Variants in G3BP1 observed in about 807,000 individuals in gnomAD.
G3BP1 encodes ras GTPase-activating protein-binding protein 1.
G3BP1 carries 35 observed loss-of-function variants against 58.6 expected under a neutral mutation model. The observed-to-expected ratio is 0.60, with a 90% CI of 0.46 to 0.79. The LOEUF (loss-of-function observed/expected upper bound fraction) is 0.79. G3BP1 is among the 30% of genes least tolerant of loss of function. The pLI is 0.00. For missense variants in G3BP1, 523 were observed against 580.8 expected (o/e 0.90, Z 1.02); for synonymous variants, 191 against 195.4 (o/e 0.98, Z 0.19).
At chr5:151,800,164 T>A in intron 9 of G3BP1, 54 bp from the exon 10 acceptor site, 1 of 1,570,366 alleles carries the variant, frequency 6.4e-7, no homozygotes, top group East Asian at 2.2e-5. Context: ...GAGCAGTCAT[T>A]GAAAGATGTC....
In G3BP1 at chr5:151,810,418, G is replaced by A. The variant is rs2113263296; in HGVS notation, c.*6327G>A. ...TGGGGAGTAGCCCCGTTTTGGGGCT[G>A]ATCTGTCCAGAATTTGGAGTGAGGA... is the stretch of plus-strand genomic sequence containing the variant. On this transcript the variant is annotated 3_prime_UTR_variant, in exon 12 of 12. Coordinates refer to ENST00000356245, the MANE Select transcript of G3BP1 (RefSeq NM_005754.3). The A allele has an allele frequency of 6.6e-6, 1 of 152,344 alleles. No individual in the cohort carries two copies. Among genetic ancestry groups the A allele is most frequent in the South Asian group, 2.1e-4 (1 of 4,830 alleles). The allele number at this position is 152,344 out of a possible 1,614,324, so 9.4% of individuals were successfully genotyped here. A position where few individuals can be genotyped will look rare whatever the true frequency, so the allele number is the denominator to read the frequency against.
chr5:151,803,846 C>T (rs748029281), intron 11 of G3BP1, 39 bp from the exon 12 acceptor site: 1 of 1,323,080 alleles, frequency 7.6e-7, no homozygotes, highest in Non-Finnish European at 1.1e-6. Flanking sequence ...ATAGCCAGCT[C>T]ATCAGTACTC....
At chr5:151,772,353 G>A (rs1350407995) in intron 1 of G3BP1, 2 of 152,126 alleles carry the variant, frequency 1.3e-5, no homozygotes, top group Non-Finnish European at 2.9e-5. Flanking sequence ...CAGGGGTCCC[G>A]CGCCCAGCGT....
At chr5:151,803,223 C>T (rs1762884599) in intron 11 of G3BP1, among the ~76,000 whole-genome samples, 1 of 152,174 alleles carries the variant, frequency 6.6e-6, no homozygotes, top group African/African-American at 2.4e-5. Flanking sequence ...ATGTACAGTA[C>T]CATCTTTTCA....
At chr5:151,786,449 G>A (rs927702042) in intron 1 of G3BP1, 123 bp from the exon 2 acceptor site, 8 of 612,408 alleles carry the variant, frequency 1.3e-5, no homozygotes, top group Non-Finnish European at 2.4e-5. Flanking sequence ...CAACTGGTCT[G>A]TATGGGCTCT....
At chr5:151,798,122 G>A (rs1762788324) in intron 7 of G3BP1, among the ~76,000 whole-genome samples, 1 of 152,168 alleles carries the variant, frequency 6.6e-6, no homozygotes, top group South Asian at 2.1e-4. Context: ...AAACAGATAG[G>A]GGTTCTTGTT....
chr5:151,789,350 C>T (rs1000095940), intron 2 of G3BP1, among the ~76,000 whole-genome samples: 3 of 150,172 alleles, frequency 2.0e-5, no homozygotes, highest in African/African-American at 7.3e-5. Context: ...GCCTGAGCAA[C>T]AGCACAAGAC....
chr5:151,774,389 C>G (rs1762330164), intron 1 of G3BP1, among the ~76,000 whole-genome samples: 1 of 151,244 alleles, frequency 6.6e-6, no homozygotes, highest in Non-Finnish European at 1.5e-5. Flanking sequence ...AGAAAGTGAA[C>G]GGCAGAAGGC....
chr5:151,801,121 A>G (rs1254189365), intron 11 of G3BP1, among the ~76,000 whole-genome samples: 1 of 152,170 alleles, frequency 6.6e-6, no homozygotes, highest in Non-Finnish European at 1.5e-5. Flanking sequence ...TTATCAGTGC[A>G]CTGAGATTTA....
rs1282701976 is a variant in G3BP1, at chr5:151,790,503, GT to G, written c.177+102del. 2.8e-5 allele frequency: 16 copies of G among 570,316 alleles called. No homozygotes were observed. The East Asian group carries it at 5.0e-4, about 18-fold the overall frequency. 35.3% of individuals were successfully genotyped at this position (570,316 alleles called of 1,614,324 possible). On this transcript the variant is annotated intron_variant, in intron 3 of 11. Coordinates refer to ENST00000356245, the MANE Select transcript of G3BP1 (RefSeq NM_005754.3). ...TAATAGATTTGCTGATAAAGATCCAGTTTCTCAACTTTTTAGTAAAAGTTGA... is the reference window on the plus strand; with the variant it reads ...TAATAGATTTGCTGATAAAGATCCAGTTCTCAACTTTTTAGTAAAAGTTGA...
intron 4 of G3BP1, chr5:151,791,995 T>TG (rs775522574): frequency 2.8e-5 from 12 of 421,172 alleles, no homozygotes; most frequent in Non-Finnish European, 5.6e-5. Context: ...GGATGGGAGA[T>TG]TCTCTATCTT....
At chr5:151,802,345 C>G (rs148010794) in intron 11 of G3BP1, among the ~76,000 whole-genome samples, 8 of 152,280 alleles carry the variant, frequency 5.3e-5, no homozygotes, top group African/African-American at 1.9e-4. Flanking sequence ...GCCTAGTGGC[C>G]ACCCTTCATT....
In G3BP1 at chr5:151,808,743, A is replaced by G. The variant is rs1581587211; in HGVS notation, c.*4652A>G. 2 of 152,316 alleles carry G rather than the reference A, an allele frequency of 1.3e-5. No individual in the cohort carries two copies. Among genetic ancestry groups the G allele is most frequent in the East Asian group, 3.9e-4 (2 of 5,184 alleles). The allele number at this position is 152,316 out of a possible 1,614,324, so 9.4% of individuals were successfully genotyped here. A position where few individuals can be genotyped will look rare whatever the true frequency, so the allele number is the denominator to read the frequency against. On this transcript the variant is annotated 3_prime_UTR_variant, in exon 12 of 12. Coordinates refer to ENST00000356245, the MANE Select transcript of G3BP1 (RefSeq NM_005754.3). ...AGTAAATTAAGGATGTTTACCAGAA[A>G]TTATTGATTTACTGAACCAAGTATT...
chr5:151,801,804 GTTTT>G, intron 11 of G3BP1, among the ~76,000 whole-genome samples: 1 of 151,546 alleles, frequency 6.6e-6, no homozygotes, highest in Admixed American at 6.6e-5. Flanking sequence ...ATACTGCAAA[GTTTT>G]TTATTTTTTT....
In G3BP1 at chr5:151,807,946, A is replaced by G. The variant is rs1026489828; in HGVS notation, c.*3855A>G. ...TAAAGGAATCTTTGCAATGCTGCAT[A>G]TAGATAATTGTTGACCTTTTTAGTT... On this transcript the variant is annotated 3_prime_UTR_variant, in exon 12 of 12. Coordinates refer to ENST00000356245, the MANE Select transcript of G3BP1 (RefSeq NM_005754.3). The G allele has an allele frequency of 6.6e-6, 1 of 152,204 alleles. No individual in the cohort carries two copies. The highest frequency in any genetic ancestry group is 2.4e-5 in the African/African-American group (1 of 41,450). 9.4% of individuals were successfully genotyped at this position (152,204 alleles called of 1,614,324 possible).
chr5:151,791,163 C>A (rs747810785), intron 4 of G3BP1, 101 bp downstream of exon 4: 3 of 1,042,778 alleles, frequency 2.9e-6, no homozygotes, highest in Non-Finnish European at 4.5e-6. Flanking sequence ...TTCAGACTTA[C>A]AGAAAACTTG....
chr5:151,790,447 A>G (rs1350484852), intron 3 of G3BP1, 43 bp downstream of exon 3: 5 of 1,036,142 alleles, frequency 4.8e-6, no homozygotes, highest in Non-Finnish European at 7.1e-6. Context: ...GCAGGTAGAA[A>G]ATAACTCATA....
At chr5:151,796,340 C>T (rs1465418408) in intron 6 of G3BP1, among the ~76,000 whole-genome samples, 1 of 152,192 alleles carries the variant, frequency 6.6e-6, no homozygotes, top group Admixed American at 6.5e-5. Flanking sequence ...GCGATCTTGG[C>T]TGACTGCAAC....
Position 151,778,917 on chromosome 5 carries a change from C to T in G3BP1, c.-50+6881C>T, listed in dbSNP as rs557898365. On this transcript the variant is annotated intron_variant, in intron 1 of 11. Transcript: ENST00000356245. Reference sequence around the variant, plus strand: ...ACTAAAAATACAAAAATTAGTCGGGCGTGGTGGTGTGTGCTTGTAATCCCA... The same window carrying T: ...ACTAAAAATACAAAAATTAGTCGGGTGTGGTGGTGTGTGCTTGTAATCCCA... 8.8e-4 allele frequency among the ~76,000 whole-genome samples: 133 copies of T among 151,836 alleles called. 1 individual carries two copies. In the South Asian group the frequency reaches 0.024, roughly 27 times the overall value.
Sources: allele counts gnomAD v4.1 joint callset (sites outside exome capture counted in the v4.1 genomes callset), GRCh38; gene constraint gnomAD v4.1.1; transcripts MANE v1.5; gene names NCBI Gene and HGNC (gene_info 2026-07-23, HGNC 2026-07-21).